The following ACOX2 variants were observed in gnomAD, a reference collection of about 807,000 sequenced individuals.
The protein encoded by ACOX2 is acyl-CoA oxidase 2.
ACOX2 carries 59 observed loss-of-function variants against 77.5 expected under a neutral mutation model. The ratio of observed to expected loss-of-function variants is 0.76; its 90% CI spans 0.62 to 0.95. The LOEUF is 0.95. Among genes scored for constraint, ACOX2 ranks in the 40% least tolerant of loss-of-function variants. ACOX2 has a pLI of 0.00. For synonymous variants in ACOX2, 317 were observed against 340.1 expected (o/e 0.93, Z 0.75); for missense variants, 837 against 880.4 (o/e 0.95, Z 0.62).
intron 12 of ACOX2, among the ~76,000 whole-genome samples, chr3:58,518,630 G>A (rs980473589): frequency 2.0e-5 from 3 of 152,116 alleles, no homozygotes; most frequent in African/African-American, 7.2e-5. Flanking sequence ...ATAAAGCAGT[G>A]CTTCTTAATT....
In ACOX2 at chr3:58,535,455, G is replaced by A. The variant is rs1039807576; in HGVS notation, c.-91-258C>T. Among the ~76,000 whole-genome samples, 5 of 152,180 alleles carry A rather than the reference G, an allele frequency of 3.3e-5. No individual in the cohort carries two copies. The highest frequency in any genetic ancestry group is 9.7e-5 in the African/African-American group (4 of 41,432). On this transcript the variant is annotated intron_variant, in intron 1 of 14. Coordinates refer to ENST00000302819, the MANE Select transcript of ACOX2 (RefSeq NM_003500.4). The surrounding 1 kb of genome is among the most constrained non-coding windows in gnomAD (Gnocchi z 4.8). ...CTATCCACTGCAGTTTGAGTTACATGAATTGCCTAGGGAAATCTTCACAAA... is the reference window on the plus strand; with the variant it reads ...CTATCCACTGCAGTTTGAGTTACATAAATTGCCTAGGGAAATCTTCACAAA...
chr3:58,512,470 A>G lies in ACOX2; in HGVS notation c.1851-3445T>C, dbSNP rs901664507. Among the ~76,000 whole-genome samples, 8 of 152,164 alleles carry G rather than the reference A, an allele frequency of 5.3e-5. No homozygotes were observed. The highest frequency in any genetic ancestry group is 1.2e-4 in the Non-Finnish European group (8 of 68,018). On this transcript the variant is annotated intron_variant, in intron 13 of 14. Coordinates refer to ENST00000302819, the MANE Select transcript of ACOX2 (RefSeq NM_003500.4). The surrounding 1 kb of genome is among the most constrained non-coding windows in gnomAD (Gnocchi z 4.8). ...CATCAGATTCTTTTAGGTTGTGTCTATCCAATGCTCAAAACCCTCCCATTC... is the reference window on the plus strand; with the variant it reads ...CATCAGATTCTTTTAGGTTGTGTCTGTCCAATGCTCAAAACCCTCCCATTC...
At chr3:58,530,723 A>G (rs1301779225) in intron 7 of ACOX2, 85 bp from the exon 8 acceptor site, 12 of 1,442,122 alleles carry the variant, frequency 8.3e-6, no homozygotes, top group Non-Finnish European at 1.1e-5. Context: ...GGCTCCACAC[A>G]TGGAGGGCAC....
At position 58,535,176 on chromosome 3, in the gene ACOX2, A is replaced by G; in HGVS notation, c.-70T>C. ...CCGGCTGCTCCGAGGGTCTGCTCTC[A>G]GCATTGGTCAGTGCAAAGAACCTGT... On this transcript the variant is annotated 5_prime_UTR_variant, in exon 2 of 15. Transcript: ENST00000302819. This position sits in a 1 kb window ranked among gnomAD's most constrained non-coding sequence, Gnocchi z 4.8. 1 of 1,591,290 alleles carries G rather than the reference A, an allele frequency of 6.3e-7. No homozygotes were observed. The highest frequency in any genetic ancestry group is 8.6e-7 in the Non-Finnish European group (1 of 1,161,500).
intron 13 of ACOX2, among the ~76,000 whole-genome samples, chr3:58,516,495 A>G (rs1026646468): frequency 6.6e-6 from 1 of 152,190 alleles, no homozygotes; most frequent in Non-Finnish European, 1.5e-5. Flanking sequence ...ATTAAATGAG[A>G]TGTATGTAAA....
chr3:58,520,561 G>A (rs570301990), intron 12 of ACOX2, among the ~76,000 whole-genome samples: 1 of 152,228 alleles, frequency 6.6e-6, no homozygotes, highest in African/African-American at 2.4e-5. Flanking sequence ...TTAGCCCGTG[G>A]CTCCCCCTTG....
At position 58,519,641 on chromosome 3, in the gene ACOX2, GA is replaced by G. The variant is rs1051568472; in HGVS notation, c.1633-2219del. The stretch of plus-strand genomic sequence containing the variant: ...AACATGGTCAGAATTTGCTCTGTGG[GA>G]CTGGGAGTCTTCAGCTGGGCAGTGA... On this transcript the variant is annotated intron_variant, in intron 12 of 14. Coordinates refer to ENST00000302819, the MANE Select transcript of ACOX2 (RefSeq NM_003500.4). The surrounding 1 kb of genome is among the most constrained non-coding windows in gnomAD (Gnocchi z 5.0). 1.1e-4 allele frequency among the ~76,000 whole-genome samples: 17 copies of G among 152,204 alleles called. No individual in the cohort carries two copies. The highest frequency in any genetic ancestry group is 4.1e-4 in the African/African-American group (17 of 41,456).
chr3:58,516,120 C>T (rs2063320536), intron 13 of ACOX2, among the ~76,000 whole-genome samples: 1 of 152,124 alleles, frequency 6.6e-6, no homozygotes, highest in Non-Finnish European at 1.5e-5. Flanking sequence ...ATTCACCATA[C>T]ATGGCACTGC....
Position 58,512,211 on chromosome 3 carries a change from C to G in ACOX2, c.1851-3186G>C, listed in dbSNP as rs1424941144. On this transcript the variant is annotated intron_variant, in intron 13 of 14. Coordinates refer to ENST00000302819, the MANE Select transcript of ACOX2 (RefSeq NM_003500.4). The surrounding 1 kb of genome is among the most constrained non-coding windows in gnomAD (Gnocchi z 4.8). ...GTAAATGGCAGCTCTGCCCTTCTGA[C>G]CAAAAACCTTGATTCTTCTCTTCTT... 1.3e-5 allele frequency among the ~76,000 whole-genome samples: 2 copies of G among 152,210 alleles called. No homozygotes were observed. Among genetic ancestry groups the G allele is most frequent in the African/African-American group, 4.8e-5 (2 of 41,456 alleles).
chr3:58,534,149 T>A lies in ACOX2; in HGVS notation c.324-4A>T. On this transcript the variant is annotated splice_region_variant and splice_polypyrimidine_tract_variant and intron_variant, in intron 3 of 14. Transcript: ENST00000302819. The surrounding 1 kb of genome is among the most constrained non-coding windows in gnomAD (Gnocchi z 4.8). ...GGCCACGTCTCCAGAAAGGGCTCTG[T>A]TGGGGAGAGATGCTGTAGTTGAGTA... is the stretch of plus-strand genomic sequence containing the variant. 1 of 1,614,012 alleles carries A rather than the reference T, an allele frequency of 6.2e-7. No individual in the cohort carries two copies. Among genetic ancestry groups the A allele is most frequent in the Non-Finnish European group, 8.5e-7 (1 of 1,180,002 alleles).
In ACOX2 at chr3:58,534,342, T is replaced by G. The variant is rs762906376; in HGVS notation, c.323+18A>C. Reference sequence around the variant, plus strand: ...CAGGTAGATCCCTCTCTAGTGGGGCTGCTCGAGGAGTGAGCACCTGTAAGC... The same window carrying G: ...CAGGTAGATCCCTCTCTAGTGGGGCGGCTCGAGGAGTGAGCACCTGTAAGC... On this transcript the variant is annotated intron_variant, in intron 3 of 14. Transcript: ENST00000302819. This position sits in a 1 kb window ranked among gnomAD's most constrained non-coding sequence, Gnocchi z 4.8. 3 of 1,613,626 alleles carry G rather than the reference T, an allele frequency of 1.9e-6. No individual in the cohort carries two copies. The highest frequency in any genetic ancestry group is 2.5e-6 in the Non-Finnish European group (3 of 1,179,738).
intron 14 of ACOX2, among the ~76,000 whole-genome samples, chr3:58,506,373 T>C (rs1403407812): frequency 6.6e-6 from 1 of 152,206 alleles, no homozygotes; most frequent in Non-Finnish European, 1.5e-5. Context: ...GAAGAGAGCT[T>C]CTCCTATGAT....
At chr3:58,506,610 T>C (rs1299896780) in intron 14 of ACOX2, among the ~76,000 whole-genome samples, 2 of 152,092 alleles carry the variant, frequency 1.3e-5, no homozygotes, top group Non-Finnish European at 2.9e-5. Context: ...CTGGCCAACA[T>C]GGTGAAACCC....
chr3:58,530,608 C>T lies in ACOX2; in HGVS notation c.850G>A (p.Gly284Ser), dbSNP rs143508132. 213 of 1,614,134 alleles carry T rather than the reference C, an allele frequency of 1.3e-4. No homozygotes were observed. The African/African-American group carries it at 2.4e-3, about 18-fold the overall frequency. ...GGAAGGTAGTTGCTCTGTGCTGTAC[C>T]GAGTTTGACGTAGGTGCCATCTGGC... is the stretch of plus-strand genomic sequence containing the variant. ...VLPDGTYVKL[G>S]TAQSNYLPMV... Residue 284 changes from glycine to serine, a missense_variant, in exon 8 of 15, where the codon GGT (glycine) becomes AGT (serine). Transcript: ENST00000302819.
rs1036395204 is a variant in ACOX2, at chr3:58,531,048, T to A, written c.819+203A>T. The stretch of plus-strand genomic sequence containing the variant: ...AGCCTATGTGACGAGCATTTCTGCA[T>A]GAGAGGTCTGAGGCTCTGTGCCCAA... On this transcript the variant is annotated intron_variant, in intron 7 of 14. Coordinates refer to ENST00000302819, the MANE Select transcript of ACOX2 (RefSeq NM_003500.4). The surrounding 1 kb of genome is among the most constrained non-coding windows in gnomAD (Gnocchi z 5.8). Among the ~76,000 whole-genome samples, 6 of 152,206 alleles carry A rather than the reference T, an allele frequency of 3.9e-5. No homozygotes were observed. Among genetic ancestry groups the A allele is most frequent in the Non-Finnish European group, 7.3e-5 (5 of 68,028 alleles).
chr3:58,517,081 G>T, intron 13 of ACOX2, 125 bp downstream of exon 13: 1 of 929,576 alleles, frequency 1.1e-6, no homozygotes, highest in Non-Finnish European at 1.7e-6. Flanking sequence ...ATAATAGGGT[G>T]TAGACCTCTC....
In ACOX2 at chr3:58,522,500, G is replaced by A; in HGVS notation, c.1628C>T (p.Ala543Val). ...CTTCAGCTGGCAGGCGCTCACCTTA[G>A]CAGCCTGGAGGTGTATGACAGTGGT... ...NQTTVIHLQA[A>V]KVHCYYVTVK... Residue 543 changes from alanine (A) to valine (V), a missense_variant, in exon 12 of 15, where the codon GCT becomes GTT. Coordinates refer to ENST00000302819, the MANE Select transcript of ACOX2 (RefSeq NM_003500.4). This position sits in a 1 kb window ranked among gnomAD's most constrained non-coding sequence, Gnocchi z 4.3. 1 of 1,613,992 alleles carries A rather than the reference G, an allele frequency of 6.2e-7. No homozygotes were observed. The highest frequency in any genetic ancestry group is 8.5e-7 in the Non-Finnish European group (1 of 1,179,856).
chr3:58,528,703 T>C lies in ACOX2; in HGVS notation c.1155+91A>G. 7.0e-7 allele frequency: 1 copy of C among 1,426,824 alleles called. No homozygotes were observed. Among genetic ancestry groups the C allele is most frequent in the South Asian group, 1.6e-5 (1 of 61,126 alleles). The allele number at this position is 1,426,824 out of a possible 1,614,324, so 88.4% of individuals were successfully genotyped here. ...GAGAGGTGGGGGTGGGGAGTGCCCA[T>C]GGGGATGGGGCTGTGGCTGCTCCCC... On this transcript the variant is annotated intron_variant, in intron 9 of 14. Transcript: ENST00000302819. The surrounding 1 kb of genome is among the most constrained non-coding windows in gnomAD (Gnocchi z 5.6).
At position 58,523,197 on chromosome 3, in the gene ACOX2, T is replaced by C. The variant is rs1280061906; in HGVS notation, c.1527-596A>G. 6.6e-6 allele frequency among the ~76,000 whole-genome samples: 1 copy of C among 152,224 alleles called. No homozygotes were observed. The highest frequency in any genetic ancestry group is 1.9e-4 in the East Asian group (1 of 5,206). ...ATCCATCCATGACCCTTAGAATTTG[T>C]GTGTAAAGCAAACTGTTTATTAAGC... On this transcript the variant is annotated intron_variant, in intron 11 of 14. Transcript: ENST00000302819. The surrounding 1 kb of genome is among the most constrained non-coding windows in gnomAD (Gnocchi z 5.3).
Sources: gnomAD v4.1 joint callset for allele counts (sites outside exome capture counted in the v4.1 genomes callset) on GRCh38, gnomAD v4.1.1 for gene constraint, Gnocchi (gnomAD v3.1) non-coding constraint, MANE v1.5 for transcripts, NCBI Gene and HGNC (gene_info 2026-07-23, HGNC 2026-07-21) for gene names.